Variants in GON4L observed in about 807,000 individuals in gnomAD.
GON4L encodes gon-4 like, also known as GON-4-like protein.
In GON4L, 87 loss-of-function variants were observed where a neutral mutation model predicts 211.8. The ratio of observed to expected loss-of-function variants is 0.41; its 90% CI spans 0.35 to 0.49. The LOEUF (loss-of-function observed/expected upper bound fraction) is 0.49, where lower values mean the gene tolerates loss of function less well. Among genes scored for constraint, GON4L ranks in the 20% least tolerant of loss-of-function variants. The pLI is 0.15. For synonymous variants in GON4L, 875 were observed against 962.6 expected (o/e 0.91, Z 1.68); for missense variants, 2,155 against 2,659.5 (o/e 0.81, Z 4.17).
intron 2 of GON4L, among the ~76,000 whole-genome samples, chr1:155,852,682 G>A (rs1415989103): frequency 6.6e-6 from 1 of 152,198 alleles, no homozygotes; most frequent in East Asian, 1.9e-4. Context: ...GGCGGAGCTT[G>A]CAGTGAGCCG....
chr1:155,791,884 T>TAAC (rs1201744490), intron 12 of GON4L, among the ~76,000 whole-genome samples: 1 of 88,366 alleles, frequency 1.1e-5, no homozygotes, highest in Non-Finnish European at 2.4e-5. Context: ...TAACATAACA[T>TAAC]AACATAACAT....
At chr1:155,764,890 C>T in intron 21 of GON4L, 110 bp downstream of exon 21, 3 of 1,589,474 alleles carry the variant, frequency 1.9e-6, no homozygotes, top group East Asian at 2.2e-5. Flanking sequence ...AAATCAAATA[C>T]AAATGATTTT....
At chr1:155,771,576 G>A (rs1479224872) in intron 18 of GON4L, among the ~76,000 whole-genome samples, 2 of 152,126 alleles carry the variant, frequency 1.3e-5, no homozygotes, top group Non-Finnish European at 2.9e-5. Flanking sequence ...GGGCTCAAGC[G>A]ATTCCCGTAC....
Position 155,784,063 on chromosome 1 carries a change from G to A in GON4L, c.1815C>T (p.Asn605=). Reference sequence around the variant, plus strand: ...CCTCTTCTGGGCCATCATCTTCCATGTTGGAGAATCCCATCTCATCTTGGA... The same window carrying A: ...CCTCTTCTGGGCCATCATCTTCCATATTGGAGAATCCCATCTCATCTTGGA... The part of the protein sequence containing the change: ...ETFQDEMGFS[N]MEDDGPEEEE... Residue 605 remains asparagine, a synonymous_variant, in exon 14 of 32, where the codon AAC becomes AAT. Transcript: ENST00000368331. The A allele has an allele frequency of 4.3e-6, 7 of 1,614,092 alleles. No individual in the cohort carries two copies. The highest frequency in any genetic ancestry group is 5.9e-6 in the Non-Finnish European group (7 of 1,179,972).
At position 155,752,237 on chromosome 1, in the gene GON4L, G is replaced by A; in HGVS notation, c.6196C>T (p.His2066Tyr). Residue 2066 changes from histidine (H) to tyrosine (Y), a missense_variant, in exon 30 of 32, where the codon CAT becomes TAT. Coordinates refer to ENST00000368331, the MANE Select transcript of GON4L (RefSeq NM_001282860.2). ...SSKTRDAGRR[H>Y]VSGKPDTQER... ...TGAGTGTCTGGTTTCCCGGACACAT[G>A]TCTTCTCCCTGCATCTCTGGTCTTT... 6.2e-7 allele frequency: 1 copy of A among 1,611,746 alleles called. No homozygotes were observed. Among genetic ancestry groups the A allele is most frequent in the Non-Finnish European group, 8.5e-7 (1 of 1,178,058 alleles).
chr1:155,801,168 A>AGATTTCT (rs1666626518), intron 11 of GON4L, among the ~76,000 whole-genome samples: 1 of 150,244 alleles, frequency 6.7e-6, no homozygotes, highest in South Asian at 2.1e-4. Context: ...CTTTTTGTGG[A>AGATTTCT]GATTTCTGAA....
At position 155,765,279 on chromosome 1, in the gene GON4L, A is replaced by G. The variant is rs368690212; in HGVS notation, c.4194T>C (p.Asp1398=). Residue 1398 remains aspartate (D), a synonymous_variant, in exon 21 of 32, where the codon GAT becomes GAC. Transcript: ENST00000368331. ...KTPSSSQEPP[D]EGTSGTDVNK... is the part of the protein sequence containing the mutation. Reference sequence around the variant, plus strand: ...TCACATCTGTCCCTGAGGTTCCTTCATCAGGGGGCTCTTGAGAAGATGAAG... The same window carrying G: ...TCACATCTGTCCCTGAGGTTCCTTCGTCAGGGGGCTCTTGAGAAGATGAAG... 1 of 1,614,036 alleles carries G rather than the reference A, an allele frequency of 6.2e-7. No individual in the cohort carries two copies. The highest frequency in any genetic ancestry group is 1.3e-5 in the African/African-American group (1 of 75,046).
At chr1:155,802,183 C>A (rs1430100813) in intron 11 of GON4L, among the ~76,000 whole-genome samples, 1 of 151,988 alleles carries the variant, frequency 6.6e-6, no homozygotes, top group Non-Finnish European at 1.5e-5. Context: ...CAAACTTGAA[C>A]CTTGGTGTCA....
At chr1:155,755,953 A>C (rs1416620257) in intron 27 of GON4L, among the ~76,000 whole-genome samples, 2 of 151,888 alleles carry the variant, frequency 1.3e-5, no homozygotes, top group Admixed American at 6.6e-5. Context: ...AAAGAGAAAA[A>C]ACGCTTGGTC....
chr1:155,802,345 T>A (rs1332557328), intron 11 of GON4L, among the ~76,000 whole-genome samples: 1 of 152,150 alleles, frequency 6.6e-6, no homozygotes, highest in South Asian at 2.1e-4. Context: ...GTTTTATTTC[T>A]GTAATATTTG....
chr1:155,756,690 C>T (rs535802007), intron 27 of GON4L: 19 of 375,848 alleles, frequency 5.1e-5, no homozygotes, highest in South Asian at 4.9e-4. Context: ...TTTGGGAGGC[C>T]GAGGCGGGTG....
intron 28 of GON4L, 111 bp downstream of exon 28, chr1:155,754,261 ACTG>A (rs750918243): frequency 1.3e-6 from 1 of 768,638 alleles, no homozygotes; most frequent in Admixed American, 1.8e-5. Context: ...ATATGTGTAT[ACTG>A]AATGTTATTT....
chr1:155,748,383 T>C, downstream of GON4L: 1 of 1,602,798 alleles, frequency 6.2e-7, no homozygotes, highest in South Asian at 1.1e-5. Flanking sequence ...AGTGCCCCTC[T>C]TGGTGTCTTC....
intron 3 of GON4L, among the ~76,000 whole-genome samples, chr1:155,822,716 G>C (rs1235803867): frequency 6.6e-6 from 1 of 152,174 alleles, no homozygotes; most frequent in Non-Finnish European, 1.5e-5. Context: ...ATAGCAAAGG[G>C]GAATTAGGCA....
At chr1:155,837,929 A>G (rs1035164773) in intron 2 of GON4L, among the ~76,000 whole-genome samples, 8 of 152,186 alleles carry the variant, frequency 5.3e-5, no homozygotes, top group African/African-American at 1.9e-4. Context: ...AAGGCTTTTC[A>G]AGTTCACATG....
At chr1:155,749,450 C>T, downstream of GON4L, 1 of 1,562,464 alleles carries the variant, frequency 6.4e-7, no homozygotes, top group South Asian at 1.1e-5. Context: ...AACGGTTGCT[C>T]CTGCCCTTCT....
chr1:155,796,148 A>G (rs1666046637), intron 11 of GON4L, among the ~76,000 whole-genome samples: 1 of 152,220 alleles, frequency 6.6e-6, no homozygotes, highest in Non-Finnish European at 1.5e-5. Context: ...TATATACATA[A>G]TAATCATAAG....
intron 2 of GON4L, among the ~76,000 whole-genome samples, chr1:155,849,314 G>A (rs1671549259): frequency 6.6e-6 from 1 of 152,072 alleles, no homozygotes; most frequent in African/African-American, 2.4e-5. Context: ...GGAGGCCGAG[G>A]CAGGCAGATC....
At chr1:155,747,758 C>G (rs1420936493), downstream of GON4L, 8 of 1,613,850 alleles carry the variant, frequency 5.0e-6, no homozygotes, top group Non-Finnish European at 5.9e-6. Flanking sequence ...TCACCCCCGC[C>G]CAGGGCTTCC....
Sources: gnomAD v4.1 joint callset for allele counts (sites outside exome capture counted in the v4.1 genomes callset) on GRCh38, gnomAD v4.1.1 for gene constraint, MANE v1.5 for transcripts, NCBI Gene and HGNC (gene_info 2026-07-23, HGNC 2026-07-21) for gene names.